Variants in MYO1D observed in about 807,000 individuals in gnomAD.
MYO1D encodes the protein unconventional myosin-Id.
A neutral mutation model predicts 122.0 loss-of-function variants in MYO1D; 83 were observed. That is an observed-to-expected ratio of 0.68 (90% CI 0.57 to 0.82). The LOEUF (loss-of-function observed/expected upper bound fraction) is 0.82. Among genes scored for constraint, MYO1D ranks in the 40% least tolerant of loss-of-function variants. The pLI, the probability that MYO1D is intolerant of heterozygous loss-of-function variation, is 0.00. For missense variants in MYO1D, 1,157 were observed against 1,269.5 expected (o/e 0.91, Z 1.35); for synonymous variants, 464 against 446.9 (o/e 1.04, Z -0.48).
At chr17:32,862,749 CACTG>C (rs1381470810) in intron 1 of MYO1D, among the ~76,000 whole-genome samples, 6 of 152,194 alleles carry the variant, frequency 3.9e-5, no homozygotes, top group East Asian at 1.9e-4. Flanking sequence ...GAACTAAGAA[CACTG>C]ACTATTTGGA....
At chr17:32,591,851 C>G (rs1279792225) in intron 21 of MYO1D, among the ~76,000 whole-genome samples, 3 of 152,082 alleles carry the variant, frequency 2.0e-5, no homozygotes, top group South Asian at 2.1e-4. Flanking sequence ...ATTTAGAGGG[C>G]CTGGGATGGG....
chr17:32,588,630 G>C (rs1026358415), intron 21 of MYO1D, among the ~76,000 whole-genome samples: 1 of 152,126 alleles, frequency 6.6e-6, no homozygotes, highest in African/African-American at 2.4e-5. Context: ...GACTTCTGGT[G>C]AACTAATTTT....
rs112334038 is a variant in MYO1D at position 32,664,215 on chromosome 17, C to T, written c.2122-4877G>A. ...TAAGCATATTTGGTTTAAATAGATA[C>T]GCTTCCATAAAAGTTTGTGTGTATG... On this transcript the variant is annotated intron_variant, in intron 16 of 21. Coordinates refer to ENST00000318217, the MANE Select transcript of MYO1D (RefSeq NM_015194.3). Among the ~76,000 whole-genome samples the T allele has an allele frequency of 2.3e-4, 35 of 152,256 alleles. 2 individuals are homozygous for T. The East Asian group carries it at 4.4e-3, about 19-fold the overall frequency.
intron 2 of MYO1D, 75 bp downstream of exon 2, chr17:32,780,501 T>C: frequency 2.1e-6 from 3 of 1,433,058 alleles, no homozygotes; most frequent in Non-Finnish European, 2.9e-6. Context: ...ATTTAATCAA[T>C]TGTTTGGATT....
intron 21 of MYO1D, among the ~76,000 whole-genome samples, chr17:32,571,506 T>C (rs912199727): frequency 1.3e-5 from 2 of 152,186 alleles, no homozygotes; most frequent in Non-Finnish European, 2.9e-5. Flanking sequence ...TGGGGTCGCG[T>C]TGATAATTCC....
chr17:32,536,082 G>A (rs1910657810), intron 21 of MYO1D, among the ~76,000 whole-genome samples: 2 of 151,812 alleles, frequency 1.3e-5, no homozygotes, highest in South Asian at 4.2e-4. Flanking sequence ...GCCCAGGCTG[G>A]AGTGCAGTGA....
In MYO1D at chr17:32,875,449, G is replaced by A. The variant is rs555806706; in HGVS notation, c.95+1329C>T. On this transcript the variant is annotated intron_variant, in intron 1 of 21. Transcript: ENST00000318217. Reference sequence around the variant, plus strand: ...TCAGGACAACCCCAATCCTACAGACGGGAAGACTGAGGCACAGAGAGGTTA... The same window carrying A: ...TCAGGACAACCCCAATCCTACAGACAGGAAGACTGAGGCACAGAGAGGTTA... Among the ~76,000 whole-genome samples, 11 of 152,190 alleles carry A rather than the reference G, an allele frequency of 7.2e-5. 1 individual carries two copies. Among genetic ancestry groups the A allele is most frequent in the South Asian group, 4.2e-4 (2 of 4,814 alleles).
At chr17:32,818,566 G>A (rs1485379549) in intron 1 of MYO1D, among the ~76,000 whole-genome samples, 2 of 152,202 alleles carry the variant, frequency 1.3e-5, no homozygotes, top group African/African-American at 2.4e-5. Flanking sequence ...AGACCAATGG[G>A]GGAAATAAAG....
chr17:32,873,666 A>C (rs1269173099), intron 1 of MYO1D, among the ~76,000 whole-genome samples: 2 of 152,178 alleles, frequency 1.3e-5, no homozygotes, highest in African/African-American at 4.8e-5. Flanking sequence ...AGAGGAGGGT[A>C]AGGGTGCTAC....
chr17:32,688,150 C>A (rs2089044408), intron 16 of MYO1D, among the ~76,000 whole-genome samples: 1 of 152,192 alleles, frequency 6.6e-6, no homozygotes, highest in African/African-American at 2.4e-5. Flanking sequence ...TTTCTGGGAG[C>A]TGTGCAATCC....
chr17:32,597,510 A>G (rs1343075384), intron 21 of MYO1D, among the ~76,000 whole-genome samples: 1 of 152,070 alleles, frequency 6.6e-6, no homozygotes, highest in Non-Finnish European at 1.5e-5. Context: ...GTCATAGGAG[A>G]TATCTATATA....
intron 21 of MYO1D, among the ~76,000 whole-genome samples, chr17:32,519,646 C>G (rs930643460): frequency 1.3e-4 from 20 of 151,800 alleles, no homozygotes; most frequent in Non-Finnish European, 2.8e-4. Context: ...GCCTCGCCGC[C>G]GACAGCCCCT....
At chr17:32,726,549 G>T (rs2089575680) in intron 14 of MYO1D, among the ~76,000 whole-genome samples, 1 of 149,952 alleles carries the variant, frequency 6.7e-6, no homozygotes, top group African/African-American at 2.4e-5. Context: ...AGATATAATA[G>T]ATGTAAATTA....
chr17:32,568,888 C>A (rs1191252294), intron 21 of MYO1D, among the ~76,000 whole-genome samples: 1 of 152,218 alleles, frequency 6.6e-6, no homozygotes, highest in African/African-American at 2.4e-5. Flanking sequence ...CCTCTATGCT[C>A]CTATGCATCT....
At chr17:32,855,239 T>A (rs1203752560) in intron 1 of MYO1D, among the ~76,000 whole-genome samples, 12 of 152,174 alleles carry the variant, frequency 7.9e-5, no homozygotes, top group Admixed American at 7.9e-4. Context: ...CATAAGAATG[T>A]ACACATCTTT....
intron 1 of MYO1D, among the ~76,000 whole-genome samples, chr17:32,821,181 C>T (rs1176109849): frequency 1.3e-5 from 2 of 152,142 alleles, no homozygotes; most frequent in African/African-American, 4.8e-5. Context: ...CAGCTCCATC[C>T]ATGGCCCTGC....
intron 21 of MYO1D, among the ~76,000 whole-genome samples, chr17:32,526,453 A>G (rs999401323): frequency 6.6e-6 from 1 of 152,236 alleles, no homozygotes; most frequent in African/African-American, 2.4e-5. Context: ...TCAAGTGTGC[A>G]TATATGTATG....
intron 16 of MYO1D, among the ~76,000 whole-genome samples, chr17:32,667,003 C>T (rs967713383): frequency 6.6e-6 from 1 of 152,232 alleles, no homozygotes; most frequent in African/African-American, 2.4e-5. Context: ...TGAGAGTCCA[C>T]ATTGAGATAA....
intron 16 of MYO1D, among the ~76,000 whole-genome samples, chr17:32,665,296 G>A (rs1483783355): frequency 6.7e-6 from 1 of 150,014 alleles, no homozygotes; most frequent in Non-Finnish European, 1.5e-5. Context: ...AACATATCAC[G>A]TAACTTACAT....
Sources: allele counts gnomAD v4.1 joint callset (sites outside exome capture counted in the v4.1 genomes callset), GRCh38; gene constraint gnomAD v4.1.1; transcripts MANE v1.5; gene names NCBI Gene and HGNC (gene_info 2026-07-23, HGNC 2026-07-21).